MDGA2: variants seen among roughly 807,000 people sequenced by gnomAD.
The protein encoded by MDGA2 is MAM domain containing glycosylphosphatidylinositol anchor 2, also known as MAM domain-containing glycosylphosphatidylinositol anchor protein 2.
In MDGA2, 40 loss-of-function variants were observed where a neutral mutation model predicts 117.8. The ratio of observed to expected loss-of-function variants is 0.34; its 90% CI spans 0.26 to 0.44. MDGA2 has a LOEUF of 0.44. MDGA2 is among the 20% of genes least tolerant of loss of function. The pLI is 1.00. For synonymous variants in MDGA2, 452 were observed against 439.0 expected, an observed-to-expected ratio of 1.03 and a Z score of -0.37; for missense variants, 1,123 against 1,250.6, an observed-to-expected ratio of 0.90 and a Z score of 1.54.
chr14:47,553,271 T>C (rs974817816), intron 1 of MDGA2, among the ~76,000 whole-genome samples: 2 of 152,268 alleles, frequency 1.3e-5, no homozygotes, highest in Non-Finnish European at 2.9e-5. Context: ...TTTTCACTGC[T>C]TCTGGCAACA....
intron 1 of MDGA2, among the ~76,000 whole-genome samples, chr14:47,648,524 C>A (rs1004240733): frequency 6.6e-6 from 1 of 151,880 alleles, no homozygotes; most frequent in South Asian, 2.1e-4. Context: ...AAAGAACGAT[C>A]GTAATCAAAA....
intron 1 of MDGA2, among the ~76,000 whole-genome samples, chr14:47,559,820 G>A (rs1192379071): frequency 7.9e-5 from 12 of 151,984 alleles, no homozygotes; most frequent in Admixed American, 5.9e-4. Context: ...TGATCCACCC[G>A]CCTAGGCCTC....
At chr14:47,350,707 A>T (rs1424423145) in intron 1 of MDGA2, among the ~76,000 whole-genome samples, 2 of 152,216 alleles carry the variant, frequency 1.3e-5, no homozygotes, top group Non-Finnish European at 2.9e-5. Context: ...GGCAGAGACA[A>T]GTAACCCTAG....
chr14:46,925,631 C>CAAAA (rs34889177), intron 9 of MDGA2, among the ~76,000 whole-genome samples: 2 of 64,598 alleles, frequency 3.1e-5, no homozygotes, highest in East Asian at 4.7e-4. Flanking sequence ...GACTCTACCT[C>CAAAA]AAAAAAAAAA....
rs1555330658 is a variant in MDGA2, at chr14:47,540,540, G to GTA, written c.280+133975_280+133976dup. Among the ~76,000 whole-genome samples, 7 of 79,220 alleles carry GTA rather than the reference G, an allele frequency of 8.8e-5. 2 individuals are homozygous for GTA. The East Asian group carries it at 2.4e-3, about 28-fold the overall frequency. The allele number at this position is 79,220 out of a possible 152,430, so 52.0% of individuals were successfully genotyped here. On this transcript the variant is annotated intron_variant, in intron 1 of 16. Coordinates refer to ENST00000399232, the MANE Select transcript of MDGA2 (RefSeq NM_001113498.3). ...TGTATATGTGTGTGTGTGTGTGTGTGTATATATATATATGTATATATATAC... is the reference window on the plus strand; with the variant it reads ...TGTATATGTGTGTGTGTGTGTGTGTGTATATATATATATATGTATATATATAC...
At position 47,609,173 on chromosome 14, in the gene MDGA2, C is replaced by T. The variant is rs569771672; in HGVS notation, c.280+65344G>A. 4.6e-5 allele frequency among the ~76,000 whole-genome samples: 7 copies of T among 151,158 alleles called. No individual in the cohort carries two copies. The South Asian group carries it at 6.3e-4, about 14-fold the overall frequency. On this transcript the variant is annotated intron_variant, in intron 1 of 16. Coordinates refer to ENST00000399232, the MANE Select transcript of MDGA2 (RefSeq NM_001113498.3). ...GAGCACCCATCACCCAAGCAGTATA[C>T]GCTGCACAGTATTTGTTGTCTTTTA...
At chr14:47,370,468 GTTTTTTTT>G (rs67255552) in intron 1 of MDGA2, among the ~76,000 whole-genome samples, 7 of 20,684 alleles carry the variant, frequency 3.4e-4, no homozygotes, top group African/African-American at 6.7e-4. Context: ...TCTACTTACT[GTTTTTTTT>G]TTTTTTTTTT....
chr14:47,658,531 T>A (rs1897786868), intron 1 of MDGA2, among the ~76,000 whole-genome samples: 1 of 152,092 alleles, frequency 6.6e-6, no homozygotes. Context: ...CTGCTAACCA[T>A]CCTCTTTTGT....
chr14:46,968,712 C>T (rs1886136008), intron 8 of MDGA2, among the ~76,000 whole-genome samples: 2 of 150,720 alleles, frequency 1.3e-5, no homozygotes, highest in Admixed American at 1.3e-4. Context: ...TGGTGTGTGC[C>T]TGTAGTCCCA....
At chr14:47,511,329 C>G (rs571293614) in intron 1 of MDGA2, among the ~76,000 whole-genome samples, 1 of 152,114 alleles carries the variant, frequency 6.6e-6, no homozygotes, top group African/African-American at 2.4e-5. Context: ...AAAACATAAC[C>G]ACTTCTAATA....
At chr14:47,127,902 G>A (rs1173262185) in intron 5 of MDGA2, among the ~76,000 whole-genome samples, 1 of 151,764 alleles carries the variant, frequency 6.6e-6, no homozygotes, top group Non-Finnish European at 1.5e-5. Flanking sequence ...TGGCTTTAAG[G>A]TATGAAGTCC....
Position 46,864,545 on chromosome 14 carries a change from G to GTTTTTTTTTTTTTTTTTT in MDGA2, c.2752+8870_2752+8887dup, listed in dbSNP as rs71112467. On this transcript the variant is annotated intron_variant, in intron 14 of 16. Coordinates refer to ENST00000399232, the MANE Select transcript of MDGA2 (RefSeq NM_001113498.3). Reference sequence around the variant, plus strand: ...TTTGTTGCGCTTTGCAGATATTGCTGTTTTTTTTTTTTTTTTTTTTTTTTT... The same window carrying GTTTTTTTTTTTTTTTTTT: ...TTTGTTGCGCTTTGCAGATATTGCTGTTTTTTTTTTTTTTTTTTTTTTTTTTTTTTTTTTTTTTTTTTT... 5.1e-4 allele frequency among the ~76,000 whole-genome samples: 26 copies of GTTTTTTTTTTTTTTTTTT among 51,480 alleles called. 6 individuals are homozygous for GTTTTTTTTTTTTTTTTTT. The highest frequency in any genetic ancestry group is 8.6e-4 in the Non-Finnish European group (22 of 25,448). The allele number at this position is 51,480 out of a possible 152,430, so 33.8% of individuals were successfully genotyped here.
rs535055164 is a variant in MDGA2, at chr14:47,165,753, T to A, written c.596-21479A>T. Among the ~76,000 whole-genome samples the A allele has an allele frequency of 6.6e-5, 10 of 152,292 alleles. 2 individuals are homozygous for A. The South Asian group carries it at 2.1e-3, about 32-fold the overall frequency. On this transcript the variant is annotated intron_variant, in intron 3 of 16. Transcript: ENST00000399232. ...AAACTGATATACAAAGAAACTCAGT[T>A]AAAAATAATATTTTCAGAACAAATT...
At chr14:47,241,261 G>A (rs1220578552) in intron 2 of MDGA2, among the ~76,000 whole-genome samples, 1 of 151,920 alleles carries the variant, frequency 6.6e-6, no homozygotes, top group Admixed American at 6.6e-5. Flanking sequence ...AGCTAAGTCT[G>A]TGCTTTATGG....
intron 1 of MDGA2, among the ~76,000 whole-genome samples, chr14:47,350,997 G>A (rs1422809914): frequency 6.6e-6 from 1 of 151,986 alleles, no homozygotes; most frequent in Non-Finnish European, 1.5e-5. Context: ...CTGCAACCTC[G>A]GCTTCCTGGA....
chr14:47,381,756 G>C (rs1891633824), intron 1 of MDGA2, among the ~76,000 whole-genome samples: 1 of 152,116 alleles, frequency 6.6e-6, no homozygotes, highest in Non-Finnish European at 1.5e-5. Flanking sequence ...TGGGTACGAA[G>C]AATCAACATT....
chr14:47,354,772 G>A (rs547908766), intron 1 of MDGA2, among the ~76,000 whole-genome samples: 80 of 152,238 alleles, frequency 5.3e-4, no homozygotes, highest in African/African-American at 1.2e-3. Context: ...TTGGTGCCCT[G>A]GGGGATTGAG....
intron 1 of MDGA2, among the ~76,000 whole-genome samples, chr14:47,575,003 A>C (rs1276030998): frequency 6.6e-6 from 1 of 152,200 alleles, no homozygotes; most frequent in Non-Finnish European, 1.5e-5. Context: ...TAAAGTGTAC[A>C]TAGGTCTGTG....
At chr14:47,515,570 T>A (rs774707148) in intron 1 of MDGA2, among the ~76,000 whole-genome samples, 4 of 152,110 alleles carry the variant, frequency 2.6e-5, no homozygotes, top group Non-Finnish European at 5.9e-5. Context: ...AAGACAGAGA[T>A]GAGAGGTGAA....
Sources: allele counts gnomAD v4.1 joint callset (sites outside exome capture counted in the v4.1 genomes callset), GRCh38; gene constraint gnomAD v4.1.1; transcripts MANE v1.5; gene names NCBI Gene and HGNC (gene_info 2026-07-23, HGNC 2026-07-21).